SPEF2: variants seen among roughly 807,000 people sequenced by gnomAD.
SPEF2 encodes the protein sperm flagella and cilia-associated protein 2.
SPEF2 carries 187 observed loss-of-function variants against 224.6 expected under a neutral mutation model. The ratio of observed to expected loss-of-function variants is 0.83; its 90% CI spans 0.74 to 0.94. SPEF2 has a LOEUF of 0.94. Ranked by LOEUF, SPEF2 falls within the 40% of genes least tolerant of loss-of-function variation. SPEF2 has a pLI of 0.00. For missense variants in SPEF2, 2,170 were observed against 2,135.6 expected (o/e 1.02, Z -0.32); for synonymous variants, 715 against 707.3 (o/e 1.01, Z -0.17).
At chr5:35,747,856 A>C (rs2149710608) in intron 23 of SPEF2, among the ~76,000 whole-genome samples, 1 of 152,290 alleles carries the variant, frequency 6.6e-6, no homozygotes, top group African/African-American at 2.4e-5. Context: ...TATACAAAAC[A>C]CATCACCCAG....
chr5:35,670,931 G>T, intron 10 of SPEF2: 2 of 985,294 alleles, frequency 2.0e-6, no homozygotes, highest in Non-Finnish European at 2.4e-6. Flanking sequence ...ACTTCATGTT[G>T]GATGCATATA....
At chr5:35,715,816 C>CCTT (rs70973054) in intron 20 of SPEF2, among the ~76,000 whole-genome samples, 1,468 of 117,878 alleles carry the variant, frequency 0.012, 106 homozygotes, top group African/African-American at 0.045. Context: ...GATATAATTT[C>CCTT]TTTTTTTTTT....
intron 31 of SPEF2, among the ~76,000 whole-genome samples, chr5:35,792,738 G>C (rs1308406852): frequency 2.6e-5 from 4 of 152,220 alleles, no homozygotes; most frequent in Non-Finnish European, 2.9e-5. Flanking sequence ...ACTAGTAATA[G>C]TAGATAATTC....
intron 23 of SPEF2, among the ~76,000 whole-genome samples, chr5:35,751,140 A>T (rs1749585754): frequency 8.0e-6 from 1 of 124,550 alleles, no homozygotes; most frequent in Non-Finnish European, 1.7e-5. Context: ...ACTCAGCCAT[A>T]AAAAGGAATG....
chr5:35,645,503 A>G (rs1313345195), intron 4 of SPEF2, among the ~76,000 whole-genome samples: 2 of 152,338 alleles, frequency 1.3e-5, no homozygotes, highest in East Asian at 1.9e-4. Flanking sequence ...GAGTTTATAT[A>G]TAATAAAATG....
chr5:35,754,162 A>C (rs1157189483), intron 24 of SPEF2, among the ~76,000 whole-genome samples: 1 of 152,190 alleles, frequency 6.6e-6, no homozygotes, highest in Non-Finnish European at 1.5e-5. Flanking sequence ...CAGACATTTG[A>C]TTCCTGAAAA....
chr5:35,807,991 A>G, intron 36 of SPEF2: 1 of 1,294,332 alleles, frequency 7.7e-7, no homozygotes, highest in Middle Eastern at 3.0e-4. Context: ...TGTGTATTGA[A>G]CTACAAAGTG....
intron 19 of SPEF2, among the ~76,000 whole-genome samples, chr5:35,711,482 G>C (rs1741121777): frequency 6.6e-6 from 1 of 152,106 alleles, no homozygotes; most frequent in Admixed American, 6.6e-5. Context: ...ATCAAATGCA[G>C]TATCAATTGT....
chr5:35,645,375 A>G (rs1381556417), intron 4 of SPEF2, among the ~76,000 whole-genome samples: 8 of 152,218 alleles, frequency 5.3e-5, no homozygotes, highest in Non-Finnish European at 8.8e-5. Context: ...GCCAGCCTCT[A>G]AATAACTCTC....
At chr5:35,741,064 T>C (rs756152444) in intron 23 of SPEF2, among the ~76,000 whole-genome samples, 3 of 152,216 alleles carry the variant, frequency 2.0e-5, no homozygotes, top group Non-Finnish European at 4.4e-5. Flanking sequence ...TCTATTATGG[T>C]CCTAGCACCA....
intron 12 of SPEF2, among the ~76,000 whole-genome samples, chr5:35,693,153 C>G (rs1754772402): frequency 6.6e-6 from 1 of 152,078 alleles, no homozygotes; most frequent in African/African-American, 2.4e-5. Context: ...AAGAAGCCAC[C>G]AACTCCTGGA....
chr5:35,711,946 G>A (rs1437322355), intron 19 of SPEF2, among the ~76,000 whole-genome samples: 1 of 151,998 alleles, frequency 6.6e-6, no homozygotes, highest in Admixed American at 6.6e-5. Context: ...AAAATCATTT[G>A]GTAAATAATG....
chr5:35,707,798 A>G (rs10069995), intron 18 of SPEF2, among the ~76,000 whole-genome samples: 99,800 of 151,920 alleles, frequency 0.66, 33,206 homozygotes, highest in African/African-American at 0.77. Flanking sequence ...AGAAATACAC[A>G]AGGCTCACTC....
At position 35,774,588 on chromosome 5, in the gene SPEF2, G is replaced by C. The variant is rs865819184; in HGVS notation, c.4078+567G>C. On this transcript the variant is annotated intron_variant, in intron 28 of 36. Transcript: ENST00000356031. The stretch of plus-strand genomic sequence containing the variant: ...CTCCACAAAACATATTCTCCTTATG[G>C]CTCTCTGAATTGTCTTGTAATGCAA... Among the ~76,000 whole-genome samples the C allele has an allele frequency of 4.6e-5, 7 of 152,148 alleles. No individual in the cohort carries two copies. The East Asian group carries it at 7.7e-4, about 17-fold the overall frequency.
intron 19 of SPEF2, among the ~76,000 whole-genome samples, chr5:35,711,258 A>G (rs966954759): frequency 9.2e-5 from 14 of 152,172 alleles, no homozygotes; most frequent in Non-Finnish European, 2.1e-4. Flanking sequence ...GGCATAGTAC[A>G]TTGAATCCTA....
chr5:35,678,009 C>A (rs1175973187), intron 10 of SPEF2, among the ~76,000 whole-genome samples: 2 of 152,232 alleles, frequency 1.3e-5, no homozygotes, highest in East Asian at 1.9e-4. Flanking sequence ...CTCTCTCCAG[C>A]GTGGGCCTAC....
chr5:35,769,140 A>C (rs1281339046), intron 26 of SPEF2, among the ~76,000 whole-genome samples: 1 of 152,148 alleles, frequency 6.6e-6, no homozygotes, highest in Admixed American at 6.6e-5. Flanking sequence ...AAATTCAGAC[A>C]ATTATGATGC....
At chr5:35,726,889 C>T (rs1451379178) in intron 20 of SPEF2, among the ~76,000 whole-genome samples, 1 of 152,112 alleles carries the variant, frequency 6.6e-6, no homozygotes, top group African/African-American at 2.4e-5. Flanking sequence ...ATCTAGATTC[C>T]CCTCTTGATG....
intron 26 of SPEF2, among the ~76,000 whole-genome samples, chr5:35,768,126 G>A (rs1190236205): frequency 6.6e-6 from 1 of 151,744 alleles, no homozygotes; most frequent in African/African-American, 2.4e-5. Flanking sequence ...GTATACCTTG[G>A]ACCTAGCATA....
Sources: allele counts gnomAD v4.1 joint callset (sites outside exome capture counted in the v4.1 genomes callset), GRCh38; gene constraint gnomAD v4.1.1; transcripts MANE v1.5; gene names NCBI Gene and HGNC (gene_info 2026-07-23, HGNC 2026-07-21).